PELI2: variants seen among roughly 807,000 people sequenced by gnomAD.
The protein encoded by PELI2 is E3 ubiquitin-protein ligase pellino homolog 2.
PELI2 carries 23 observed loss-of-function variants against 42.3 expected under a neutral mutation model. The ratio of observed to expected loss-of-function variants is 0.54; its 90% CI spans 0.39 to 0.77. The LOEUF (loss-of-function observed/expected upper bound fraction) is 0.77. Ranked by LOEUF, PELI2 falls within the 30% of genes least tolerant of loss-of-function variation. The pLI is 0.00. For synonymous variants in PELI2, 245 were observed against 212.2 expected (o/e 1.15, Z -1.34); for missense variants, 463 against 553.2 (o/e 0.84, Z 1.64).
chr14:56,251,279 C>T lies in PELI2; in HGVS notation c.208-28397C>T, dbSNP rs144716488. On this transcript the variant is annotated intron_variant, in intron 2 of 5. Coordinates refer to ENST00000267460, the MANE Select transcript of PELI2 (RefSeq NM_021255.3). ...GTTACTTCTTCTGCCTCCTTCCATT[C>T]ACAGATGCAATTATCCTCCTAGGAA... Among the ~76,000 whole-genome samples, 736 of 152,354 alleles carry T rather than the reference C, an allele frequency of 4.8e-3. 4 individuals carry two copies. The highest frequency in any genetic ancestry group is 5.8e-3 in the Non-Finnish European group (392 of 68,024).
chr14:56,291,999 G>T (rs531014843), intron 5 of PELI2, among the ~76,000 whole-genome samples: 1 of 152,166 alleles, frequency 6.6e-6, no homozygotes, highest in Non-Finnish European at 1.5e-5. Context: ...TAAAGCATAC[G>T]CTGGAGTCCG....
chr14:56,232,310 A>G (rs36190923), intron 2 of PELI2, among the ~76,000 whole-genome samples: 60,941 of 151,630 alleles, frequency 0.4, 12,956 homozygotes, highest in South Asian at 0.53. Context: ...CAACAAAAAA[A>G]GAGAATTTTA....
chr14:56,289,658 C>T (rs575470379), intron 4 of PELI2, among the ~76,000 whole-genome samples: 5 of 151,992 alleles, frequency 3.3e-5, no homozygotes, highest in African/African-American at 9.6e-5. Context: ...AGCTCTGTCA[C>T]CAAGAAAGCT....
At chr14:56,153,099 C>T (rs1394489630) in intron 1 of PELI2, among the ~76,000 whole-genome samples, 1 of 152,090 alleles carries the variant, frequency 6.6e-6, no homozygotes, top group Non-Finnish European at 1.5e-5. Context: ...GTTGTTTCTT[C>T]CACCTGGAGA....
chr14:56,125,057 G>A (rs552550561), intron 1 of PELI2, among the ~76,000 whole-genome samples: 1 of 152,276 alleles, frequency 6.6e-6, no homozygotes, highest in South Asian at 2.1e-4. Context: ...GAGTTGGAAG[G>A]CACAGTGGAG....
chr14:56,189,466 C>T (rs952249803), intron 2 of PELI2, among the ~76,000 whole-genome samples: 3 of 152,212 alleles, frequency 2.0e-5, no homozygotes, highest in Admixed American at 2.0e-4. Context: ...ACTTTCATGG[C>T]TCTCTGCCTG....
chr14:56,296,934 A>T lies in PELI2; in HGVS notation c.1031A>T (p.Tyr344Phe), dbSNP rs1271327357. 6.2e-7 allele frequency: 1 copy of T among 1,614,068 alleles called. No homozygotes were observed. The highest frequency in any genetic ancestry group is 1.1e-5 in the South Asian group (1 of 91,056). Residue 344 changes from tyrosine to phenylalanine, a missense_variant, in exon 6 of 6, where the codon TAT becomes TTT. Physicochemically the swap from Tyr to Phe is conservative, Grantham distance 22. This residue lies in a region of PELI2 where 103 missense variants were observed against 129.6 expected (regional missense o/e 0.80). Coordinates refer to ENST00000267460, the MANE Select transcript of PELI2 (RefSeq NM_021255.3). Reference sequence around the variant, plus strand: ...CCCATGTGCAGGACTGTGGGCCCCTATGTGCCTCTCTGGCTTGGCTGTGAG... The same window carrying T: ...CCCATGTGCAGGACTGTGGGCCCCTTTGTGCCTCTCTGGCTTGGCTGTGAG... ...ECPMCRTVGP[Y>F]VPLWLGCEAG...
intron 2 of PELI2, among the ~76,000 whole-genome samples, chr14:56,255,434 A>AT (rs1888493502): frequency 6.6e-6 from 1 of 152,000 alleles, no homozygotes; most frequent in Non-Finnish European, 1.5e-5. Context: ...GGAGTTGAAC[A>AT]TTGAGAATGC....
Position 56,212,892 on chromosome 14 carries a change from A to G in PELI2, c.207+34428A>G, listed in dbSNP as rs1336670274. Among the ~76,000 whole-genome samples, 3 of 152,306 alleles carry G rather than the reference A, an allele frequency of 2.0e-5. No individual in the cohort carries two copies. In the East Asian group the frequency reaches 5.8e-4, roughly 29 times the overall value. On this transcript the variant is annotated intron_variant, in intron 2 of 5. Coordinates refer to ENST00000267460, the MANE Select transcript of PELI2 (RefSeq NM_021255.3). ...TGAGCCATGGCTGAGACATCAAACT[A>G]AAGCCAATGGCTAGACTCTCCAGAG...
chr14:56,284,111 A>G (rs1357116600), intron 3 of PELI2, among the ~76,000 whole-genome samples: 1 of 152,214 alleles, frequency 6.6e-6, no homozygotes, highest in African/African-American at 2.4e-5. Context: ...AGAACCAAGA[A>G]AGGGCTTTAT....
At chr14:56,236,416 G>C (rs770172040) in intron 2 of PELI2, among the ~76,000 whole-genome samples, 3 of 152,168 alleles carry the variant, frequency 2.0e-5, no homozygotes, top group Non-Finnish European at 4.4e-5. Context: ...AGGAATGAAT[G>C]AGATTCCAGC....
chr14:56,290,028 C>A (rs1345614880), intron 4 of PELI2, among the ~76,000 whole-genome samples: 1 of 152,142 alleles, frequency 6.6e-6, no homozygotes, highest in Non-Finnish European at 1.5e-5. Flanking sequence ...CGATTTTTTG[C>A]AAGTTCTTGA....
chr14:56,138,728 T>C (rs1277457142), intron 1 of PELI2, among the ~76,000 whole-genome samples: 3 of 152,196 alleles, frequency 2.0e-5, no homozygotes, highest in South Asian at 2.1e-4. Flanking sequence ...AACTGACTTA[T>C]GGCATAACTA....
At chr14:56,223,512 C>T (rs1887225322) in intron 2 of PELI2, among the ~76,000 whole-genome samples, 1 of 152,130 alleles carries the variant, frequency 6.6e-6, no homozygotes, top group African/African-American at 2.4e-5. Flanking sequence ...CTATGGCTTG[C>T]AGATGTGCAG....
chr14:56,138,462 CTT>C (rs34922290), intron 1 of PELI2, among the ~76,000 whole-genome samples: 2 of 144,250 alleles, frequency 1.4e-5, no homozygotes, highest in Admixed American at 6.9e-5. Flanking sequence ...TTCTGTGGTT[CTT>C]TTTTTTTTTT....
chr14:56,125,934 G>A (rs189333143), intron 1 of PELI2, among the ~76,000 whole-genome samples: 317 of 152,278 alleles, frequency 2.1e-3, no homozygotes, highest in Middle Eastern at 0.017. Context: ...GATGTGGCCA[G>A]GGCTTAGTGA....
At chr14:56,172,227 T>C (rs1885201486) in intron 1 of PELI2, among the ~76,000 whole-genome samples, 1 of 152,180 alleles carries the variant, frequency 6.6e-6, no homozygotes, top group African/African-American at 2.4e-5. Flanking sequence ...GGTCATCAGC[T>C]GGTCTGGAGT....
At chr14:56,131,371 G>A (rs1883475524) in intron 1 of PELI2, among the ~76,000 whole-genome samples, 1 of 152,188 alleles carries the variant, frequency 6.6e-6, no homozygotes, top group South Asian at 2.1e-4. Flanking sequence ...AGGTGGTGAG[G>A]TACATATGAC....
At chr14:56,167,703 A>C (rs1012639383) in intron 1 of PELI2, among the ~76,000 whole-genome samples, 1 of 152,158 alleles carries the variant, frequency 6.6e-6, no homozygotes, top group African/African-American at 2.4e-5. Context: ...TGGTGAGGTC[A>C]TGTTTTCCTG....
Sources: gnomAD v4.1 joint callset for allele counts (sites outside exome capture counted in the v4.1 genomes callset) on GRCh38, gnomAD v4.1.1 for gene constraint, gnomAD v4.1.1 regional missense constraint, MANE v1.5 for transcripts, NCBI Gene and HGNC (gene_info 2026-07-23, HGNC 2026-07-21) for gene names.